The following FABP7 variants were observed in gnomAD, a reference collection of about 807,000 sequenced individuals.
FABP7 encodes the protein fatty acid-binding protein, brain.
A neutral mutation model predicts 14.2 loss-of-function variants in FABP7; 13 were observed. The ratio of observed to expected loss-of-function variants is 0.91; its 90% confidence interval spans 0.59 to 1.45. The LOEUF is 1.45. Ranked by LOEUF, FABP7 falls within the 40% of genes most tolerant of loss-of-function variation. The pLI is 0.00. For missense variants in FABP7, 149 were observed against 157.6 expected (o/e 0.95, Z 0.29); for synonymous variants, 49 against 51.4 (o/e 0.95, Z 0.20).
At position 122,783,992 on chromosome 6, in the gene FABP7, CT is replaced by C. The variant is rs1281701471; in HGVS notation, c.*233del. On this transcript the variant is annotated 3_prime_UTR_variant, in exon 4 of 4. Transcript: ENST00000368444. ...GAATTAAAGTTTTGTCCCCCCCCCCCTTTTTTTTATAAACAAGTGAATACAT... is the reference window on the plus strand; with the variant it reads ...GAATTAAAGTTTTGTCCCCCCCCCCCTTTTTTTATAAACAAGTGAATACAT... The C allele has an allele frequency of 1.4e-4, 27 of 193,728 alleles. No homozygotes were observed. The highest frequency in any genetic ancestry group is 1.0e-3 in the Admixed American group (10 of 9,902). The allele number at this position is 193,728 out of a possible 1,614,324, so 12.0% of individuals were successfully genotyped here. A position where few individuals can be genotyped will look rare whatever the true frequency, so the allele number is the denominator to read the frequency against.
upstream of FABP7, chr6:122,779,418 A>T (rs1209292388): frequency 5.2e-6 from 1 of 192,132 alleles, no homozygotes; most frequent in Non-Finnish European, 1.1e-5. Flanking sequence ...CGAACCTGAA[A>T]GCCCTTCTCT....
At chr6:122,783,262 T>C (rs1171401314) in intron 3 of FABP7, 1 of 985,386 alleles carries the variant, frequency 1.0e-6, no homozygotes, top group Non-Finnish European at 1.2e-6. Context: ...CATGTTCCTC[T>C]TGATTTTGGA....
In FABP7 at chr6:122,782,852, A is replaced by AT. The variant is rs566051165; in HGVS notation, c.349-858dup. On this transcript the variant is annotated intron_variant, in intron 3 of 3. Coordinates refer to ENST00000368444, the MANE Select transcript of FABP7 (RefSeq NM_001446.5). Reference sequence around the variant, plus strand: ...TTCATGTTAAAGGATATTTGCTCACATTTTTTTGGCAACAATCAATAAAAG... The same window carrying AT: ...TTCATGTTAAAGGATATTTGCTCACATTTTTTTTGGCAACAATCAATAAAAG... The AT allele has an allele frequency of 1.8e-4, 177 of 985,288 alleles. 1 individual carries two copies. In the African/African-American group the frequency reaches 2.9e-3, roughly 16 times the overall value. The allele number at this position is 985,288 out of a possible 1,614,324, so 61.0% of individuals were successfully genotyped here.
chr6:122,782,006 C>A, intron 3 of FABP7: 1 of 928,448 alleles, frequency 1.1e-6, no homozygotes, highest in Non-Finnish European at 1.3e-6. Flanking sequence ...GCTGCCTCGG[C>A]CTCCCAGAGT....
the FABP7 span, among the ~76,000 whole-genome samples, chr6:122,761,614 A>G: frequency 2.0e-5 from 3 of 152,170 alleles, no homozygotes; most frequent in Non-Finnish European, 4.4e-5. Flanking sequence ...CCTGGGTTGT[A>G]GAGTTTGCTT....
At chr6:122,773,240 G>T in the FABP7 span, among the ~76,000 whole-genome samples, 1 of 152,126 alleles carries the variant, frequency 6.6e-6, no homozygotes, top group Non-Finnish European at 1.5e-5. Flanking sequence ...GCGCCAAAAT[G>T]TCTACAAATG....
chr6:122,776,454 G>A (rs1230023297), upstream of FABP7, among the ~76,000 whole-genome samples: 2 of 151,952 alleles, frequency 1.3e-5, no homozygotes, highest in African/African-American at 2.4e-5. Context: ...TCATATGTGG[G>A]AGCCAAAAAA....
At chr6:122,765,450 G>T in the FABP7 span, among the ~76,000 whole-genome samples, 7 of 151,890 alleles carry the variant, frequency 4.6e-5, no homozygotes, top group Non-Finnish European at 1.0e-4. Context: ...CAAATGAAAG[G>T]TTTCCTCAAT....
At chr6:122,764,995 C>T in the FABP7 span, among the ~76,000 whole-genome samples, 306 of 152,262 alleles carry the variant, frequency 2.0e-3, 4 homozygotes, top group African/African-American at 7.1e-3. Context: ...AATGTAGTTT[C>T]TTCCTGCAGA....
At chr6:122,758,626 C>G in the FABP7 span, among the ~76,000 whole-genome samples, 2 of 152,122 alleles carry the variant, frequency 1.3e-5, no homozygotes, top group South Asian at 4.1e-4. Flanking sequence ...GAATTTATGT[C>G]CATTGTTCCT....
intron 3 of FABP7, chr6:122,783,440 T>G (rs1233512600): frequency 1.0e-6 from 1 of 985,432 alleles, no homozygotes; most frequent in Non-Finnish European, 1.2e-6. Flanking sequence ...TTCTCACACC[T>G]GATCTGCTCA....
chr6:122,751,883 C>A, the FABP7 span, among the ~76,000 whole-genome samples: 1 of 152,108 alleles, frequency 6.6e-6, no homozygotes, highest in African/African-American at 2.4e-5. Context: ...TCCTTGCTTT[C>A]CTCTCATCCC....
At chr6:122,775,085 A>C (rs1428306166), upstream of FABP7, among the ~76,000 whole-genome samples, 1 of 152,128 alleles carries the variant, frequency 6.6e-6, no homozygotes, top group Non-Finnish European at 1.5e-5. Context: ...TATTACCCAA[A>C]ATGATCTACA....
chr6:122,758,413 ATGTC>A, the FABP7 span, among the ~76,000 whole-genome samples: 17 of 152,340 alleles, frequency 1.1e-4, no homozygotes, highest in African/African-American at 4.1e-4. Flanking sequence ...GACTGGGAGA[ATGTC>A]TGTAAAACAA....
At chr6:122,754,167 T>C in the FABP7 span, among the ~76,000 whole-genome samples, 1 of 152,210 alleles carries the variant, frequency 6.6e-6, no homozygotes, top group Admixed American at 6.5e-5. Flanking sequence ...AATATAATTT[T>C]ATTTTTCTAA....
chr6:122,779,276 A>T (rs1054949582), upstream of FABP7, among the ~76,000 whole-genome samples: 4 of 152,114 alleles, frequency 2.6e-5, no homozygotes, highest in Admixed American at 6.5e-5. Flanking sequence ...CTGGCATTTC[A>T]GTGGTTTTCT....
At chr6:122,757,535 T>A in the FABP7 span, among the ~76,000 whole-genome samples, 1 of 152,118 alleles carries the variant, frequency 6.6e-6, no homozygotes. Flanking sequence ...TGAATTGATT[T>A]AGCAAAACAT....
chr6:122,763,208 A>C, the FABP7 span, among the ~76,000 whole-genome samples: 1 of 152,334 alleles, frequency 6.6e-6, no homozygotes, highest in Non-Finnish European at 1.5e-5. Context: ...TCAATGGAAC[A>C]GAACAGAGCC....
chr6:122,753,790 C>A, the FABP7 span, among the ~76,000 whole-genome samples: 18 of 94,744 alleles, frequency 1.9e-4, no homozygotes, highest in Admixed American at 4.3e-4. Flanking sequence ...TCCCGCCCCC[C>A]CCCCGCCCAC....
Sources: gnomAD v4.1 joint callset for allele counts (sites outside exome capture counted in the v4.1 genomes callset) on GRCh38, gnomAD v4.1.1 for gene constraint, MANE v1.5 for transcripts, NCBI Gene and HGNC (gene_info 2026-07-23, HGNC 2026-07-21) for gene names.